SMYD3: variants seen among roughly 807,000 people sequenced by gnomAD.
SMYD3 encodes the protein SET and MYND domain containing 3.
SMYD3 carries 36 observed loss-of-function variants against 57.7 expected under a neutral mutation model. That is an observed-to-expected ratio of 0.62 (90% CI 0.48 to 0.82). The LOEUF (loss-of-function observed/expected upper bound fraction) is 0.82, where lower values mean the gene tolerates loss of function less well. Ranked by LOEUF, SMYD3 falls within the 40% of genes least tolerant of loss-of-function variation. The pLI, the probability that SMYD3 is intolerant of heterozygous loss-of-function variation, is 0.00. For missense variants in SMYD3, 515 were observed against 538.8 expected (o/e 0.96, Z 0.44); for synonymous variants, 211 against 195.0 (o/e 1.08, Z -0.68).
chr1:246,482,383 T>C (rs1572044343), intron 1 of SMYD3, among the ~76,000 whole-genome samples: 1 of 152,206 alleles, frequency 6.6e-6, no homozygotes. Flanking sequence ...CCCATATAAA[T>C]TGATTTATCA....
chr1:246,245,120 C>CTTTTTTT (rs74163421), intron 5 of SMYD3, among the ~76,000 whole-genome samples: 4 of 122,946 alleles, frequency 3.3e-5, no homozygotes, highest in African/African-American at 3.1e-5. Flanking sequence ...CAGCTACTGC[C>CTTTTTTT]TTTTTTTTTT....
At chr1:246,254,858 T>C (rs1399426143) in intron 5 of SMYD3, among the ~76,000 whole-genome samples, 1 of 152,194 alleles carries the variant, frequency 6.6e-6, no homozygotes, top group Non-Finnish European at 1.5e-5. Flanking sequence ...CTTGGTTAGA[T>C]GTATTCCTAG....
intron 8 of SMYD3, among the ~76,000 whole-genome samples, chr1:245,902,516 C>T (rs766772296): frequency 6.6e-6 from 1 of 152,182 alleles, no homozygotes; most frequent in Non-Finnish European, 1.5e-5. Context: ...CAACCCATCT[C>T]CAGTGGTGCC....
chr1:246,354,814 A>G (rs1335225553), intron 2 of SMYD3, among the ~76,000 whole-genome samples: 1 of 152,222 alleles, frequency 6.6e-6, no homozygotes, highest in Non-Finnish European at 1.5e-5. Flanking sequence ...CATAGTAGAC[A>G]TATACACACA....
chr1:245,896,389 C>CAGAAAAAA (rs2053787346), intron 8 of SMYD3, among the ~76,000 whole-genome samples: 1 of 73,734 alleles, frequency 1.4e-5, no homozygotes. Flanking sequence ...TTTGCCAAGT[C>CAGAAAAAA]AAAAAAAAAA....
intron 1 of SMYD3, among the ~76,000 whole-genome samples, chr1:246,436,826 T>C (rs1163260723): frequency 6.6e-6 from 1 of 152,192 alleles, no homozygotes; most frequent in African/African-American, 2.4e-5. Flanking sequence ...GGTCATTGTT[T>C]TGTCCTTTCT....
chr1:246,020,773 A>C (rs10157657), intron 5 of SMYD3, among the ~76,000 whole-genome samples: 48,729 of 151,980 alleles, frequency 0.32, 9,906 homozygotes, highest in East Asian at 0.56. Context: ...AGGTTTTTCT[A>C]GGTTAGAAGC....
intron 10 of SMYD3, among the ~76,000 whole-genome samples, chr1:245,857,192 C>T (rs771311920): frequency 7.9e-5 from 12 of 152,172 alleles, no homozygotes; most frequent in Non-Finnish European, 1.6e-4. Context: ...ACAGAAGTCC[C>T]GAAAACATGC....
At chr1:245,817,445 G>GA (rs879738223) in intron 10 of SMYD3, among the ~76,000 whole-genome samples, 199 of 150,426 alleles carry the variant, frequency 1.3e-3, no homozygotes, top group Non-Finnish European at 2.4e-3. Context: ...CAAAGATGGG[G>GA]AAAAAACAGA....
At chr1:246,457,994 G>A (rs964419944) in intron 1 of SMYD3, among the ~76,000 whole-genome samples, 1 of 152,126 alleles carries the variant, frequency 6.6e-6, no homozygotes, top group East Asian at 1.9e-4. Context: ...TATTTAAAAC[G>A]TATGTGATTT....
At chr1:245,858,331 T>C (rs1411373230) in intron 10 of SMYD3, among the ~76,000 whole-genome samples, 165 bp downstream of exon 10, 1 of 152,218 alleles carries the variant, frequency 6.6e-6, no homozygotes, top group Non-Finnish European at 1.5e-5. Flanking sequence ...CATAAGTGAA[T>C]GAACAAGAGG....
intron 10 of SMYD3, among the ~76,000 whole-genome samples, chr1:245,834,034 TAC>T (rs2049984519): frequency 6.6e-6 from 1 of 152,240 alleles, no homozygotes; most frequent in Non-Finnish European, 1.5e-5. Context: ...TTATTTAACC[TAC>T]AGTTTCCCAA....
intron 5 of SMYD3, among the ~76,000 whole-genome samples, chr1:246,196,488 T>A (rs925181475): frequency 6.6e-6 from 1 of 152,220 alleles, no homozygotes; most frequent in Non-Finnish European, 1.5e-5. Context: ...CTGCTTTGTA[T>A]AAAATCATTA....
At chr1:245,796,390 C>A (rs2047522029) in intron 10 of SMYD3, among the ~76,000 whole-genome samples, 1 of 151,668 alleles carries the variant, frequency 6.6e-6, no homozygotes, top group Non-Finnish European at 1.5e-5. Flanking sequence ...TAACCCTGTA[C>A]AACAGCACAG....
chr1:246,401,952 C>A (rs1372654029), intron 1 of SMYD3, among the ~76,000 whole-genome samples: 1 of 152,200 alleles, frequency 6.6e-6, no homozygotes, highest in African/African-American at 2.4e-5. Flanking sequence ...GAACTCCCGA[C>A]CTCAGGTGAT....
chr1:246,373,556 T>C (rs2066223181), intron 1 of SMYD3, among the ~76,000 whole-genome samples: 1 of 152,180 alleles, frequency 6.6e-6, no homozygotes, highest in Non-Finnish European at 1.5e-5. Context: ...ATCAGTATCA[T>C]ATGCTAAATA....
intron 5 of SMYD3, among the ~76,000 whole-genome samples, chr1:246,178,314 G>C (rs1446761822): frequency 6.6e-6 from 1 of 150,598 alleles, no homozygotes; most frequent in Non-Finnish European, 1.5e-5. Context: ...AGCCCCAAAA[G>C]ATGGTTGGAG....
intron 10 of SMYD3, among the ~76,000 whole-genome samples, chr1:245,793,705 C>T (rs894198885): frequency 2.0e-5 from 3 of 152,128 alleles, no homozygotes; most frequent in Non-Finnish European, 4.4e-5. Flanking sequence ...CCTTGCCCTC[C>T]CATCCATATA....
chr1:246,448,704 T>TAAAAAAAAAAAAA (rs1553349829), intron 1 of SMYD3, among the ~76,000 whole-genome samples: 3 of 81,434 alleles, frequency 3.7e-5, no homozygotes, highest in Non-Finnish European at 6.8e-5. Context: ...CTCTTTTTTT[T>TAAAAAAAAAAAAA]AAAAAAAAAA....
Sources: allele counts gnomAD v4.1 joint callset (sites outside exome capture counted in the v4.1 genomes callset), GRCh38; gene constraint gnomAD v4.1.1; transcripts MANE v1.5; gene names NCBI Gene and HGNC (gene_info 2026-07-23, HGNC 2026-07-21).